The following KIT variants were observed in gnomAD, a reference collection of about 807,000 sequenced individuals.
The protein encoded by KIT is KIT proto-oncogene, receptor tyrosine kinase.
A neutral mutation model predicts 105.7 loss-of-function variants in KIT; 16 were observed. The observed-to-expected ratio is 0.15, with a 90% CI of 0.10 to 0.23. KIT has a LOEUF of 0.23. KIT is among the 10% of genes least tolerant of loss of function. The pLI is 1.00. For synonymous variants in KIT, 438 were observed against 441.1 expected (o/e 0.99, Z 0.09); for missense variants, 858 against 1,213.8 (o/e 0.71, Z 4.36).
rs121913520 is a variant in KIT, at chr4:54,727,443, G to T, written c.1675G>T (p.Val559Phe). 6.2e-7 allele frequency: 1 copy of T among 1,614,128 alleles called. No homozygotes were observed. The highest frequency in any genetic ancestry group is 8.5e-7 in the Non-Finnish European group (1 of 1,180,002). The change falls in exon 11 of 21, where the codon GTT becomes TTT. Residue 559 changes from valine to phenylalanine, a missense_variant. Around this residue, in one of 7 missense-constraint regions of KIT, gnomAD observed 78 missense variants for 77.6 expected, o/e 1.01. Transcript: ENST00000288135. ...QKPMYEVQWK[V>F]VEEINGNNYV... The stretch of plus-strand genomic sequence containing the variant: ...ACCCATGTATGAAGTACAGTGGAAG[G>T]TTGTTGAGGAGATAAATGGAAACAA...
intron 1 of KIT, among the ~76,000 whole-genome samples, chr4:54,659,115 C>T (rs922810022): frequency 2.6e-5 from 4 of 152,164 alleles, no homozygotes; most frequent in African/African-American, 7.2e-5. Context: ...CGTGACCGCC[C>T]GCCTCCCCGC....
At chr4:54,681,630 C>T (rs1027680245) in intron 1 of KIT, among the ~76,000 whole-genome samples, 6 of 151,978 alleles carry the variant, frequency 3.9e-5, no homozygotes, top group South Asian at 4.2e-4. Flanking sequence ...GAGAAAGGTC[C>T]GTCTTTGAGT....
At chr4:54,671,764 TA>T (rs980153016) in intron 1 of KIT, among the ~76,000 whole-genome samples, 63 of 152,116 alleles carry the variant, frequency 4.1e-4, no homozygotes, top group Middle Eastern at 6.8e-3. Context: ...AACTGAACTT[TA>T]AAAAAAAGTA....
At chr4:54,718,759 T>C (rs1323518424) in intron 7 of KIT, among the ~76,000 whole-genome samples, 1 of 152,230 alleles carries the variant, frequency 6.6e-6, no homozygotes. Flanking sequence ...CAGGAGATTA[T>C]AGTTGAAGTT....
At chr4:54,682,911 C>T (rs1374218725) in intron 1 of KIT, among the ~76,000 whole-genome samples, 4 of 152,008 alleles carry the variant, frequency 2.6e-5, no homozygotes, top group African/African-American at 9.7e-5. Context: ...TACACCACAC[C>T]TGGCTAAATT....
At chr4:54,693,494 C>A (rs765477966) in intron 1 of KIT, among the ~76,000 whole-genome samples, 4 of 152,152 alleles carry the variant, frequency 2.6e-5, no homozygotes, top group Non-Finnish European at 4.4e-5. Flanking sequence ...CACAAGGTGT[C>A]ACTGGACCAC....
At chr4:54,695,969 G>T (rs1720038127) in intron 2 of KIT, 188 bp downstream of exon 2, 7 of 665,444 alleles carry the variant, frequency 1.1e-5, no homozygotes, top group Non-Finnish European at 1.8e-5. Flanking sequence ...TTTGGGTATG[G>T]CCCCAGCTGG....
chr4:54,737,238 T>A lies in KIT; in HGVS notation c.2760T>A (p.Ile920=). The A allele has an allele frequency of 6.2e-7, 1 of 1,613,946 alleles. No individual in the cohort carries two copies. Among genetic ancestry groups the A allele is most frequent in the South Asian group, 1.1e-5 (1 of 91,068 alleles). Residue 920 remains isoleucine (I), a synonymous_variant, in exon 20 of 21, where the codon ATT becomes ATA. Transcript: ENST00000288135. The part of the protein sequence containing the change: ...DPLKRPTFKQ[I]VQLIEKQISE... The stretch of plus-strand genomic sequence containing the variant: ...TAAAAAGACCAACATTCAAGCAAAT[T>A]GTTCAGCTAATTGAGAAGCAGATTT...
At chr4:54,732,441 A>AAT (rs1455428899) in intron 16 of KIT, among the ~76,000 whole-genome samples, 1 of 152,092 alleles carries the variant, frequency 6.6e-6, no homozygotes, top group Non-Finnish European at 1.5e-5. Flanking sequence ...AGTGTCAGGA[A>AAT]ATAAGGGGTC....
chr4:54,678,524 G>A (rs1235015536), intron 1 of KIT, among the ~76,000 whole-genome samples: 2 of 152,040 alleles, frequency 1.3e-5, no homozygotes, highest in Non-Finnish European at 2.9e-5. Flanking sequence ...ATTTGAAGAT[G>A]GAGATTCTGA....
intron 1 of KIT, among the ~76,000 whole-genome samples, chr4:54,680,486 A>G (rs1026673492): frequency 6.8e-6 from 1 of 146,918 alleles, no homozygotes; most frequent in Admixed American, 6.9e-5. Flanking sequence ...CCGCCTCCCC[A>G]GTTCAAGCGA....
chr4:54,671,928 T>C (rs904180713), intron 1 of KIT, among the ~76,000 whole-genome samples: 2 of 152,204 alleles, frequency 1.3e-5, no homozygotes, highest in African/African-American at 2.4e-5. Context: ...CATCTATAAA[T>C]ATTTTCAGTA....
chr4:54,705,360 G>A (rs990461279), intron 5 of KIT, among the ~76,000 whole-genome samples: 30 of 152,274 alleles, frequency 2.0e-4, no homozygotes, highest in African/African-American at 7.0e-4. Context: ...ATTTTTTAGT[G>A]GCTGGGAGGA....
intron 7 of KIT, among the ~76,000 whole-genome samples, chr4:54,710,093 G>A (rs906807044): frequency 6.6e-6 from 1 of 152,208 alleles, no homozygotes; most frequent in Non-Finnish European, 1.5e-5. Context: ...ATGGCCATGG[G>A]CACCTGAGCA....
In KIT at chr4:54,662,962, A is replaced by G. The variant is rs543099966; in HGVS notation, c.67+4881A>G. 6.6e-5 allele frequency among the ~76,000 whole-genome samples: 10 copies of G among 151,954 alleles called. 1 individual carries two copies. The highest frequency in any genetic ancestry group is 1.5e-4 in the Non-Finnish European group (10 of 68,006). Reference sequence around the variant, plus strand: ...GGAAATCACTAGTCCTAGAGATTGAATAGATCTTGAACTTTTTTTTTCTCC... The same window carrying G: ...GGAAATCACTAGTCCTAGAGATTGAGTAGATCTTGAACTTTTTTTTTCTCC... On this transcript the variant is annotated intron_variant, in intron 1 of 20. Transcript: ENST00000288135.
intron 7 of KIT, among the ~76,000 whole-genome samples, chr4:54,717,119 T>C (rs1433567442): frequency 6.6e-6 from 1 of 152,182 alleles, no homozygotes; most frequent in Non-Finnish European, 1.5e-5. Context: ...GATGTGACAC[T>C]CTAATATCTC....
chr4:54,658,566 G>T (rs3822213), intron 1 of KIT, among the ~76,000 whole-genome samples: 43,041 of 152,054 alleles, frequency 0.28, 7,276 homozygotes, highest in Admixed American at 0.4. Flanking sequence ...AAGTTAGAGA[G>T]CCCTTTCTCT....
At chr4:54,737,311 C>G (rs780275960) in intron 20 of KIT, 31 bp downstream of exon 20, 7 of 1,406,434 alleles carry the variant, frequency 5.0e-6, no homozygotes, top group Non-Finnish European at 7.1e-6. Flanking sequence ...CATAGAATCC[C>G]CCTTCTCCCA....
chr4:54,720,453 G>A (rs187154111), intron 7 of KIT, among the ~76,000 whole-genome samples: 1 of 152,338 alleles, frequency 6.6e-6, no homozygotes, highest in African/African-American at 2.4e-5. Flanking sequence ...AGAAGGCTTG[G>A]ATGTTAGAGC....
Sources: gnomAD v4.1 joint callset for allele counts (sites outside exome capture counted in the v4.1 genomes callset) on GRCh38, gnomAD v4.1.1 for gene constraint, gnomAD v4.1.1 regional missense constraint, MANE v1.5 for transcripts, NCBI Gene and HGNC (gene_info 2026-07-23, HGNC 2026-07-21) for gene names.